NUDT4: variants seen among roughly 807,000 people sequenced by gnomAD.
NUDT4 encodes the protein nudix hydrolase 4.
NUDT4 carries 5 observed loss-of-function variants against 23.1 expected under a neutral mutation model. The observed-to-expected ratio is 0.22, with a 90% CI of 0.11 to 0.46. The LOEUF is 0.46. Among genes scored for constraint, NUDT4 ranks in the 20% least tolerant of loss-of-function variants. The pLI is 0.99. For missense variants in NUDT4, 96 were observed against 211.6 expected, an observed-to-expected ratio of 0.45 and a Z score of 3.39; for synonymous variants, 50 against 79.0, an observed-to-expected ratio of 0.63 and a Z score of 1.95.
chr12:93,384,163 A>T (rs1172216787), intron 1 of NUDT4, among the ~76,000 whole-genome samples: 1 of 151,288 alleles, frequency 6.6e-6, no homozygotes, highest in African/African-American at 2.5e-5. Context: ...GATTCTATAA[A>T]ATAGATCAGG....
chr12:93,391,627 C>T (rs564696089), intron 1 of NUDT4, among the ~76,000 whole-genome samples: 3 of 151,450 alleles, frequency 2.0e-5, no homozygotes, highest in South Asian at 4.2e-4. Context: ...CTCCCAACTG[C>T]TCGGGAAGCT....
chr12:93,378,403 G>A lies in NUDT4; in HGVS notation c.81G>A (p.Arg27=), dbSNP rs201569319. ...AGCGGGCGGCGTGCCTGTGCTTCCGGAGCGAGCAGGAGGACGAGGTAGGGC... is the reference window on the plus strand; with the variant it reads ...AGCGGGCGGCGTGCCTGTGCTTCCGAAGCGAGCAGGAGGACGAGGTAGGGC... ...FKKRAACLCF[R]SEQEDEVLLV... is the part of the protein sequence containing the mutation. The change falls in exon 1 of 5, where the codon CGG becomes CGA. Residue 27 remains arginine, a synonymous_variant. Transcript: ENST00000415493. 7 of 1,554,318 alleles carry A rather than the reference G, an allele frequency of 4.5e-6. No homozygotes were observed. Among genetic ancestry groups the A allele is most frequent in the African/African-American group, 4.1e-5 (3 of 73,328 alleles).
Position 93,404,126 on chromosome 12 carries a change from A to G in NUDT4, c.*4747A>G, listed in dbSNP as rs1385231534. 2 of 152,166 alleles carry G rather than the reference A, an allele frequency of 1.3e-5. No homozygotes were observed. Among genetic ancestry groups the G allele is most frequent in the African/African-American group, 4.8e-5 (2 of 41,432 alleles). 9.4% of individuals were successfully genotyped at this position (152,166 alleles called of 1,614,324 possible). ...CTTTTCTCAACTTTTCCTCAAATTCATGTTAGTGAAGTACTTTCATTTGGC... is the reference window on the plus strand; with the variant it reads ...CTTTTCTCAACTTTTCCTCAAATTCGTGTTAGTGAAGTACTTTCATTTGGC... On this transcript the variant is annotated 3_prime_UTR_variant, in exon 5 of 5. Transcript: ENST00000415493.
At chr12:93,385,837 C>G (rs1043030350) in intron 1 of NUDT4, among the ~76,000 whole-genome samples, 2 of 149,620 alleles carry the variant, frequency 1.3e-5, no homozygotes, top group African/African-American at 4.9e-5. Context: ...GCAAATGGCG[C>G]CCCCAAAACA....
At position 93,405,187 on chromosome 12, in the gene NUDT4, G is replaced by GAT. The variant is rs1316775488; in HGVS notation, c.*5811_*5812dup. On this transcript the variant is annotated 3_prime_UTR_variant, in exon 5 of 5. Transcript: ENST00000415493. ...CATCTAAGCTGCTTTTGCCAGATCT[G>GAT]ATATCTACTCCCGACCTTAAGCCAG... 4 of 152,034 alleles carry GAT rather than the reference G, an allele frequency of 2.6e-5. No homozygotes were observed. The highest frequency in any genetic ancestry group is 6.6e-5 in the Admixed American group (1 of 15,248). The allele number at this position is 152,034 out of a possible 1,614,324, so 9.4% of individuals were successfully genotyped here.
At chr12:93,386,766 T>C (rs912574928) in intron 1 of NUDT4, among the ~76,000 whole-genome samples, 2 of 152,170 alleles carry the variant, frequency 1.3e-5, no homozygotes, top group African/African-American at 4.8e-5. Context: ...TTCATCATTC[T>C]CAAATTTTTG....
intron 1 of NUDT4, among the ~76,000 whole-genome samples, chr12:93,384,457 G>A (rs1186390473): frequency 3.3e-5 from 5 of 151,760 alleles, no homozygotes; most frequent in South Asian, 4.2e-4. Context: ...GTGAGCCACC[G>A]TGCCTGGCCT....
In NUDT4 at chr12:93,392,382, A is replaced by C. The variant is rs576114118; in HGVS notation, c.100-2227A>C. On this transcript the variant is annotated intron_variant, in intron 1 of 4. Transcript: ENST00000415493. ...GTGATTCTCCTGCCACAGCCTCCTA[A>C]GTAGCTGGGATTACAGGTGCCTTCC... Among the ~76,000 whole-genome samples, 90 of 149,784 alleles carry C rather than the reference A, an allele frequency of 6.0e-4. No individual in the cohort carries two copies. In the South Asian group the frequency reaches 8.1e-3, roughly 13 times the overall value.
intron 1 of NUDT4, among the ~76,000 whole-genome samples, chr12:93,390,047 G>A (rs537448909): frequency 2.4e-4 from 37 of 152,262 alleles, no homozygotes; most frequent in Admixed American, 1.3e-3. Context: ...AGATACATGA[G>A]ACTTTGCATT....
In NUDT4 at chr12:93,380,260, T is replaced by C. The variant is rs528023182; in HGVS notation, c.99+1839T>C. Among the ~76,000 whole-genome samples the C allele has an allele frequency of 4.6e-5, 7 of 152,302 alleles. No individual in the cohort carries two copies. In the East Asian group the frequency reaches 1.3e-3, roughly 29 times the overall value. ...CAGGCTTTGTAAAAATACTAGACTC[T>C]AGGGGAAAATATGAGTGATGGAAAT... On this transcript the variant is annotated intron_variant, in intron 1 of 4. Transcript: ENST00000415493.
At chr12:93,393,078 G>T (rs1200691140) in intron 1 of NUDT4, among the ~76,000 whole-genome samples, 3 of 139,034 alleles carry the variant, frequency 2.2e-5, no homozygotes, top group Admixed American at 7.2e-5. Flanking sequence ...GTAACAATTT[G>T]TAGATTTCAG....
intron 4 of NUDT4, 61 bp from the exon 5 acceptor site, chr12:93,399,116 A>T: frequency 1.6e-6 from 2 of 1,238,382 alleles, no homozygotes; most frequent in Non-Finnish European, 2.4e-6. Flanking sequence ...AGTGGACATT[A>T]CTTATATGGC....
At chr12:93,387,868 C>T (rs1312050333) in intron 1 of NUDT4, among the ~76,000 whole-genome samples, 1 of 152,112 alleles carries the variant, frequency 6.6e-6, no homozygotes, top group African/African-American at 2.4e-5. Context: ...TATTTTTCCA[C>T]CCTGGCAGAC....
chr12:93,386,555 G>A lies in NUDT4; in HGVS notation c.100-8054G>A, dbSNP rs1876113179. 3.9e-5 allele frequency among the ~76,000 whole-genome samples: 6 copies of A among 151,960 alleles called. No homozygotes were observed. The South Asian group carries it at 1.2e-3, about 32-fold the overall frequency. On this transcript the variant is annotated intron_variant, in intron 1 of 4. Transcript: ENST00000415493. Reference sequence around the variant, plus strand: ...AGATCACGCCATTGCACTCCAACCTGGGTGACAGAGTGAGACCCTGTTTCA... The same window carrying A: ...AGATCACGCCATTGCACTCCAACCTAGGTGACAGAGTGAGACCCTGTTTCA...
intron 1 of NUDT4, among the ~76,000 whole-genome samples, chr12:93,382,090 C>A (rs1238490940): frequency 1.1e-4 from 17 of 152,146 alleles, no homozygotes; most frequent in Admixed American, 1.1e-3. Context: ...AACCCTGTCT[C>A]TACCAAAAAT....
intron 1 of NUDT4, among the ~76,000 whole-genome samples, chr12:93,379,815 G>T (rs913183162): frequency 6.6e-6 from 1 of 152,162 alleles, no homozygotes; most frequent in East Asian, 1.9e-4. Context: ...AAGCCTTAGC[G>T]GAAAGGGGCC....
At chr12:93,393,569 A>G (rs1322709193) in intron 1 of NUDT4, among the ~76,000 whole-genome samples, 1 of 152,124 alleles carries the variant, frequency 6.6e-6, no homozygotes, top group Non-Finnish European at 1.5e-5. Flanking sequence ...TGAGTAAGTG[A>G]CTCGATTCTA....
rs1000319837 is a variant in NUDT4 at position 93,407,558 on chromosome 12, G to T, written c.*8179G>T. 3 of 152,162 alleles carry T rather than the reference G, an allele frequency of 2.0e-5. No homozygotes were observed. Among genetic ancestry groups the T allele is most frequent in the African/African-American group, 7.2e-5 (3 of 41,408 alleles). The allele number at this position is 152,162 out of a possible 1,614,324, so 9.4% of individuals were successfully genotyped here. A position where few individuals can be genotyped will look rare whatever the true frequency, so the allele number is the denominator to read the frequency against. On this transcript the variant is annotated 3_prime_UTR_variant, in exon 5 of 5. Coordinates refer to ENST00000415493, the MANE Select transcript of NUDT4 (RefSeq NM_019094.6). ...TGAGAAGACAATGACATGCTCTTAG[G>T]GTGTCTGCTACTCAGATCCTCTCAG...
intron 1 of NUDT4, among the ~76,000 whole-genome samples, chr12:93,387,970 C>G (rs1187640387): frequency 2.0e-5 from 3 of 152,184 alleles, no homozygotes; most frequent in Admixed American, 6.5e-5. Flanking sequence ...CCACCACCCC[C>G]CCAGATGTGG....
Sources: allele counts gnomAD v4.1 joint callset (sites outside exome capture counted in the v4.1 genomes callset), GRCh38; gene constraint gnomAD v4.1.1; transcripts MANE v1.5; gene names NCBI Gene and HGNC (gene_info 2026-07-23, HGNC 2026-07-21).